The following HMX1 variants were observed in gnomAD, a reference collection of about 807,000 sequenced individuals.
HMX1 encodes the protein homeobox protein HMX1.
In HMX1, 8 loss-of-function variants were observed where a neutral mutation model predicts 8.9. That is an observed-to-expected ratio of 0.90 (90% CI 0.53 to 1.63). The LOEUF is 1.63. HMX1 is among the 40% of genes most tolerant of loss of function. HMX1 has a pLI of 0.00. For synonymous variants in HMX1, 311 were observed against 283.4 expected, an observed-to-expected ratio of 1.10 and a Z score of -0.98; for missense variants, 621 against 558.5, an observed-to-expected ratio of 1.11 and a Z score of -1.13.
chr4:8,866,727 G>A (rs1722009237), downstream of HMX1, among the ~76,000 whole-genome samples: 1 of 152,244 alleles, frequency 6.6e-6, no homozygotes, highest in South Asian at 2.1e-4. Flanking sequence ...GAGCCCCTGT[G>A]ACGAATGCCA....
chr4:8,859,297 A>C (rs964686276), intron 1 of HMX1, among the ~76,000 whole-genome samples: 1 of 151,980 alleles, frequency 6.6e-6, no homozygotes, highest in African/African-American at 2.4e-5. Flanking sequence ...CAAACTCATA[A>C]TGTCAGCACC....
downstream of HMX1, among the ~76,000 whole-genome samples, chr4:8,864,022 T>A (rs1037607225): frequency 1.3e-5 from 2 of 152,170 alleles, no homozygotes; most frequent in Admixed American, 1.3e-4. Context: ...GGAGCTGATT[T>A]CCCACCTCTC....
intron 1 of HMX1, among the ~76,000 whole-genome samples, chr4:8,859,981 G>C (rs965715643): frequency 6.6e-6 from 1 of 152,254 alleles, no homozygotes; most frequent in Admixed American, 6.5e-5. Context: ...ACTGCCCGTG[G>C]TGGGAGTGGA....
At position 8,871,165 on chromosome 4, in the gene HMX1, G is replaced by T; in HGVS notation, c.394+56C>A. 3.0e-6 allele frequency: 4 copies of T among 1,326,008 alleles called. 1 individual carries two copies. In the South Asian group the frequency reaches 4.8e-5, roughly 16 times the overall value. 82.1% of individuals were successfully genotyped at this position (1,326,008 alleles called of 1,614,324 possible). A position where few individuals can be genotyped will look rare whatever the true frequency, so the allele number is the denominator to read the frequency against. ...GAGCCCGAAGTCCCCCAGCAAATGCGCAGGGAGGAAGTCGGGCCCCACCGC... is the reference window on the plus strand; with the variant it reads ...GAGCCCGAAGTCCCCCAGCAAATGCTCAGGGAGGAAGTCGGGCCCCACCGC... On this transcript the variant is annotated intron_variant, in intron 1 of 1. Transcript: ENST00000400677. This position sits in a 1 kb window ranked among gnomAD's most constrained non-coding sequence, Gnocchi z 4.8.
chr4:8,849,329 T>C lies in HMX1; in HGVS notation c.395-3005A>G, dbSNP rs1308127988. Reference sequence around the variant, plus strand: ...CAGGGCCCTACCCCAAGCTGAGTGGTGTGTGAGGACAAAGAGAACTTTGGA... The same window carrying C: ...CAGGGCCCTACCCCAAGCTGAGTGGCGTGTGAGGACAAAGAGAACTTTGGA... On this transcript the variant is annotated intron_variant, in intron 1 of 1. Transcript: ENST00000506970. The surrounding 1 kb of genome is among the most constrained non-coding windows in gnomAD (Gnocchi z 6.6). 6.6e-6 allele frequency among the ~76,000 whole-genome samples: 1 copy of C among 151,928 alleles called. No homozygotes were observed. Among genetic ancestry groups the C allele is most frequent in the Non-Finnish European group, 1.5e-5 (1 of 68,008 alleles).
chr4:8,849,380 C>T lies in HMX1; in HGVS notation c.395-3056G>A, dbSNP rs955040806. 1.3e-5 allele frequency among the ~76,000 whole-genome samples: 2 copies of T among 151,894 alleles called. No homozygotes were observed. Among genetic ancestry groups the T allele is most frequent in the Non-Finnish European group, 2.9e-5 (2 of 68,022 alleles). On this transcript the variant is annotated intron_variant, in intron 1 of 1. Transcript: ENST00000506970. The surrounding 1 kb of genome is among the most constrained non-coding windows in gnomAD (Gnocchi z 6.6). ...CACAGACTCACTAGAGGCAGGGCAGCGTGAAGCCAAGGAGAAGGCGGGCAC... is the reference window on the plus strand; with the variant it reads ...CACAGACTCACTAGAGGCAGGGCAGTGTGAAGCCAAGGAGAAGGCGGGCAC...
chr4:8,871,169 G>A lies in HMX1; in HGVS notation c.394+52C>T. The A allele has an allele frequency of 2.2e-6, 3 of 1,337,352 alleles. No individual in the cohort carries two copies. Among genetic ancestry groups the A allele is most frequent in the Non-Finnish European group, 2.9e-6 (3 of 1,042,116 alleles). The allele number at this position is 1,337,352 out of a possible 1,614,324, so 82.8% of individuals were successfully genotyped here. ...CCGAAGTCCCCCAGCAAATGCGCAG[G>A]GAGGAAGTCGGGCCCCACCGCCTGA... On this transcript the variant is annotated intron_variant, in intron 1 of 1. Coordinates refer to ENST00000400677, the MANE Select transcript of HMX1 (RefSeq NM_018942.3). The surrounding 1 kb of genome is among the most constrained non-coding windows in gnomAD (Gnocchi z 4.8).
chr4:8,867,892 G>T lies in HMX1; in HGVS notation c.848C>A (p.Pro283Gln). The T allele has an allele frequency of 7.3e-7, 1 of 1,362,516 alleles. No individual in the cohort carries two copies. 84.4% of individuals were successfully genotyped at this position (1,362,516 alleles called of 1,614,324 possible). A position where few individuals can be genotyped will look rare whatever the true frequency, so the allele number is the denominator to read the frequency against. The change falls in exon 2 of 2, where the codon CCG becomes CAG. Residue 283 changes from proline (P) to glutamine (Q), a missense_variant. Transcript: ENST00000400677. Reference protein sequence around the residue: ...PPGAQRLVRVPVLYHESPPAA... With the variant: ...PPGAQRLVRVQVLYHESPPAA... The stretch of plus-strand genomic sequence containing the variant: ...CGGGGGGCTTTCGTGGTAGAGCACC[G>T]GCACGCGGACCAGGCGCTGCGCTCC...
chr4:8,870,008 C>G lies in HMX1; in HGVS notation c.394+1213G>C, dbSNP rs1722158281. On this transcript the variant is annotated intron_variant, in intron 1 of 1. Transcript: ENST00000400677. This position sits in a 1 kb window ranked among gnomAD's most constrained non-coding sequence, Gnocchi z 4.4. The stretch of plus-strand genomic sequence containing the variant: ...AAGTCTACGTGAAGGGGGTGGGGGC[C>G]TAGACTTCCTGAGTGTGGGTGCCGA... Among the ~76,000 whole-genome samples, 1 of 152,166 alleles carries G rather than the reference C, an allele frequency of 6.6e-6. No individual in the cohort carries two copies. The highest frequency in any genetic ancestry group is 2.4e-5 in the African/African-American group (1 of 41,438).
rs1722217339 is a variant in HMX1 at position 8,871,427 on chromosome 4, C to A, written c.188G>T (p.Arg63Leu). 1.5e-6 allele frequency: 2 copies of A among 1,310,870 alleles called. No individual in the cohort carries two copies. The highest frequency in any genetic ancestry group is 2.0e-6 in the Non-Finnish European group (2 of 1,017,092). The allele number at this position is 1,310,870 out of a possible 1,614,324, so 81.2% of individuals were successfully genotyped here. A position where few individuals can be genotyped will look rare whatever the true frequency, so the allele number is the denominator to read the frequency against. Residue 63 changes from arginine to leucine, a missense_variant, in exon 1 of 2, where the codon CGA becomes CTA. Coordinates refer to ENST00000400677, the MANE Select transcript of HMX1 (RefSeq NM_018942.3). The surrounding 1 kb of genome is among the most constrained non-coding windows in gnomAD (Gnocchi z 4.8). The part of the protein sequence containing the change: ...EDEDAEQARR[R>L]RLQRRRQLLA... ...CAACTGTCGCCGCCGCTGTAGCCGT[C>A]GCCGCCGCGCCTGCTCGGCGTCCTC...
At position 8,847,396 on chromosome 4, in the gene HMX1, G is replaced by A. The variant is rs989288828; in HGVS notation, c.395-1072C>T. ...GGAGGAGCAAGATGTTTCTGGGAAC[G>A]TGGTTTGAGAAATGCTGTTCACGGT... On this transcript the variant is annotated intron_variant, in intron 1 of 1. Coordinates refer to the HMX1 transcript ENST00000506970. The surrounding 1 kb of genome is among the most constrained non-coding windows in gnomAD (Gnocchi z 6.0). 8.5e-5 allele frequency among the ~76,000 whole-genome samples: 13 copies of A among 152,210 alleles called. No homozygotes were observed. The highest frequency in any genetic ancestry group is 4.6e-4 in the Admixed American group (7 of 15,288).
chr4:8,861,792 G>A lies in HMX1; in HGVS notation c.394+9429C>T, dbSNP rs1577197328. ...CCGGGATCAAGGCGCCCATCCTCTT[G>A]ATGGCGGGGCGCACCTTTCGCGTGG... On this transcript the variant is annotated intron_variant, in intron 1 of 1. Coordinates refer to the HMX1 transcript ENST00000506970. Among the ~76,000 whole-genome samples the A allele has an allele frequency of 3.9e-5, 6 of 152,386 alleles. 1 individual carries two copies. Among genetic ancestry groups the A allele is most frequent in the Admixed American group, 3.9e-4 (6 of 15,312 alleles).
At chr4:8,858,113 G>A (rs1297182316) in intron 1 of HMX1, among the ~76,000 whole-genome samples, 9 of 151,576 alleles carry the variant, frequency 5.9e-5, no homozygotes, top group East Asian at 4.0e-4. Flanking sequence ...CAGGCCGACC[G>A]CCCCCAAGCC....
downstream of HMX1, among the ~76,000 whole-genome samples, chr4:8,865,671 C>T (rs749062066): frequency 1.2e-4 from 17 of 147,090 alleles, no homozygotes; most frequent in Admixed American, 1.3e-4. Context: ...TCAGAAGGGG[C>T]GGGGGGTGAG....
rs1375305304 is a variant in HMX1, at chr4:8,868,296, C to G, written c.444G>C (p.Glu148Asp). 3 of 1,443,106 alleles carry G rather than the reference C, an allele frequency of 2.1e-6. No individual in the cohort carries two copies. The highest frequency in any genetic ancestry group is 3.0e-5 in the African/African-American group (2 of 67,476). 89.4% of individuals were successfully genotyped at this position (1,443,106 alleles called of 1,614,324 possible). ...GCCCGGGGCCTCGCGGCCAGGCGCC[C>G]TCCGCACGGCCCATCTCCTCGCCCG... The part of the protein sequence containing the change: ...PETGEEMGRA[E>D]GAWPRGPGPG... The change falls in exon 2 of 2, where the codon GAG becomes GAC. Residue 148 changes from glutamate (E) to aspartate (D), a missense_variant. By Grantham distance (45) the Glu-to-Asp change is conservative (BLOSUM62 2). Coordinates refer to ENST00000400677, the MANE Select transcript of HMX1 (RefSeq NM_018942.3). The surrounding 1 kb of genome is among the most constrained non-coding windows in gnomAD (Gnocchi z 4.6).
intron 1 of HMX1, among the ~76,000 whole-genome samples, chr4:8,856,255 C>T (rs1721605365): frequency 6.6e-6 from 1 of 151,988 alleles, no homozygotes; most frequent in African/African-American, 2.4e-5. Flanking sequence ...AAGAAAGAAC[C>T]GAAAAAATGA....
rs1243427173 is a variant in HMX1, at chr4:8,853,163, A to C, written c.395-6839T>G. Among the ~76,000 whole-genome samples the C allele has an allele frequency of 6.6e-6, 1 of 152,210 alleles. No individual in the cohort carries two copies. The highest frequency in any genetic ancestry group is 1.5e-5 in the Non-Finnish European group (1 of 68,036). Reference sequence around the variant, plus strand: ...TGACTCTATTTCTTAAATGGAAGCCAAGTCATGGTAGCTTACACAAGACAG... The same window carrying C: ...TGACTCTATTTCTTAAATGGAAGCCCAGTCATGGTAGCTTACACAAGACAG... On this transcript the variant is annotated intron_variant, in intron 1 of 1. Coordinates refer to the HMX1 transcript ENST00000506970. This position sits in a 1 kb window ranked among gnomAD's most constrained non-coding sequence, Gnocchi z 4.7.
chr4:8,855,844 C>G (rs926958443), intron 1 of HMX1, among the ~76,000 whole-genome samples: 9 of 152,272 alleles, frequency 5.9e-5, no homozygotes, highest in Middle Eastern at 3.4e-3. Flanking sequence ...AGCCTCTGGA[C>G]TTGCTCTCTG....
intron 1 of HMX1, among the ~76,000 whole-genome samples, chr4:8,857,822 T>C (rs13302949): frequency 0.42 from 64,084 of 151,710 alleles, 16,365 homozygotes; most frequent in Non-Finnish European, 0.6. Context: ...CCCCTTGCCC[T>C]TGCCCCTGCC....
Sources: gnomAD v4.1 joint callset for allele counts (sites outside exome capture counted in the v4.1 genomes callset) on GRCh38, gnomAD v4.1.1 for gene constraint, Gnocchi (gnomAD v3.1) non-coding constraint, MANE v1.5 for transcripts, NCBI Gene and HGNC (gene_info 2026-07-23, HGNC 2026-07-21) for gene names.